The following ADAM30 variants were observed in gnomAD, a reference collection of about 807,000 sequenced individuals.
The protein encoded by ADAM30 is disintegrin and metalloproteinase domain-containing protein 30.
For missense variants in ADAM30, 960 were observed against 959.4 expected (o/e 1.00, Z -0.01); for synonymous variants, 382 against 340.9 (o/e 1.12, Z -1.33).
rs587640612 is a variant in ADAM30 at position 119,895,032 on chromosome 1, T to G, written c.1305A>C (p.Pro435=). ...AAAGTCCAATGCTACAGTTGGCACCTGGTTGCAACTTACAATTTGATTGGC... is the reference window on the plus strand; with the variant it reads ...AAAGTCCAATGCTACAGTTGGCACCGGGTTGCAACTTACAATTTGATTGGC... The part of the protein sequence containing the change: ...RCCQSNCKLQ[P]GANCSIGLCC... The change falls in exon 1 of 1, where the codon CCA becomes CCC. Residue 435 remains proline (P), a synonymous_variant. Coordinates refer to ENST00000369400, the MANE Select transcript of ADAM30 (RefSeq NM_021794.4). 2 of 1,614,224 alleles carry G rather than the reference T, an allele frequency of 1.2e-6. 1 individual carries two copies. The highest frequency in any genetic ancestry group is 2.2e-5 in the South Asian group (2 of 91,086).
Position 119,896,267 on chromosome 1 carries a change from T to C in ADAM30, c.70A>G (p.Lys24Glu). The C allele has an allele frequency of 6.2e-7, 1 of 1,613,036 alleles. No individual in the cohort carries two copies. Among genetic ancestry groups the C allele is most frequent in the Non-Finnish European group, 8.5e-7 (1 of 1,179,502 alleles). ...AAAATTACATCTTCGCCAAGAGACT[T>C]AAGGAGCATTGTCGGAACTAGTAGA... ...LLLLVPTMLL[K>E]SLGEDVIFHP... The change falls in exon 1 of 1, where the codon AAG becomes GAG. Residue 24 changes from lysine (K) to glutamate (E), a missense_variant. Lys to Glu is a moderately conservative substitution (Grantham distance 56, BLOSUM62 1). Coordinates refer to ENST00000369400, the MANE Select transcript of ADAM30 (RefSeq NM_021794.4).
rs756044316 is a variant in ADAM30, at chr1:119,895,413, C to T, written c.924G>A (p.Ser308=). 29 of 1,613,712 alleles carry T rather than the reference C, an allele frequency of 1.8e-5. No individual in the cohort carries two copies. Among genetic ancestry groups the T allele is most frequent in the Non-Finnish European group, 2.5e-5 (29 of 1,179,936 alleles). ...ATTCTAGAGAACACACTTTTCCAAA[C>T]GACCATGCAAGAGCATCATTATATT... ...QRKYNDALAW[S]FGKVCSLEYA... Residue 308 remains serine (S), a synonymous_variant, in exon 1 of 1, where the codon TCG becomes TCA. Coordinates refer to ENST00000369400, the MANE Select transcript of ADAM30 (RefSeq NM_021794.4).
rs746060584 is a variant in ADAM30 at position 119,894,371 on chromosome 1, A to G, written c.1966T>C (p.Trp656Arg). Residue 656 changes from tryptophan (W) to arginine (R), a missense_variant, in exon 1 of 1, where the codon TGG becomes CGG. By Grantham distance (101) the Trp-to-Arg change is moderately radical. Transcript: ENST00000369400. ...NRKNCHCMYG[W>R]APPFCEEVGY... ...ACTTCCTCACAGAATGGAGGTGCCC[A>G]CCCATACATGCAGTGGCAGTTTTTT... The G allele has an allele frequency of 3.1e-6, 5 of 1,614,146 alleles. No homozygotes were observed. Among genetic ancestry groups the G allele is most frequent in the Non-Finnish European group, 4.2e-6 (5 of 1,180,006 alleles).
rs1476960635 is a variant in ADAM30, at chr1:119,895,511, A to G, written c.826T>C (p.Phe276Leu). ...YPELAEVLGR[F>L]VIYKKSVLNA... is the part of the protein sequence containing the mutation. ...AATACACTTTTTTTATATATTACAAATCTGCCTAAAACTTCAGCTAACTCT... is the reference window on the plus strand; with the variant it reads ...AATACACTTTTTTTATATATTACAAGTCTGCCTAAAACTTCAGCTAACTCT... Residue 276 changes from phenylalanine (F) to leucine (L), a missense_variant, in exon 1 of 1, where the codon TTT (phenylalanine) becomes CTT (leucine). Coordinates refer to ENST00000369400, the MANE Select transcript of ADAM30 (RefSeq NM_021794.4). 3 of 1,613,894 alleles carry G rather than the reference A, an allele frequency of 1.9e-6. No homozygotes were observed. Among genetic ancestry groups the G allele is most frequent in the Non-Finnish European group, 1.7e-6 (2 of 1,180,034 alleles).
chr1:119,895,207 G>GATATGTTAAAAAAAAA lies in ADAM30; in HGVS notation c.1129_1130insTTTTTTTTTAACATAT (p.Ser377PhefsTer4), dbSNP rs1478388883. ...TCCCGAAGAGATATGTTTAAAAAAA[G>GATATGTTAAAAAAAAA]AGATATAACTGCAATTGCTAAACCC... On this transcript the variant is annotated stop_gained and frameshift_variant, in exon 1 of 1. Coordinates refer to ENST00000369400, the MANE Select transcript of ADAM30 (RefSeq NM_021794.4). LOFTEE classifies it low-confidence loss of function (END_TRUNC). 1 of 1,614,208 alleles carries GATATGTTAAAAAAAAA rather than the reference G, an allele frequency of 6.2e-7. No homozygotes were observed. The highest frequency in any genetic ancestry group is 1.1e-5 in the South Asian group (1 of 91,084).
In ADAM30 at chr1:119,895,990, A is replaced by G. The variant is rs587666591; in HGVS notation, c.347T>C (p.Val116Ala). 6.2e-7 allele frequency: 1 copy of G among 1,614,164 alleles called. No individual in the cohort carries two copies. The highest frequency in any genetic ancestry group is 1.1e-5 in the South Asian group (1 of 91,084). The change falls in exon 1 of 1, where the codon GTG becomes GCG. Residue 116 changes from valine to alanine, a missense_variant. Physicochemically the swap from Val to Ala is moderately conservative, Grantham distance 64 (BLOSUM62 0). Coordinates refer to ENST00000369400, the MANE Select transcript of ADAM30 (RefSeq NM_021794.4). The part of the protein sequence containing the change: ...IPKDCNYMGS[V>A]KESLDSKATI... ...AGCTTTAGAGTCCAGAGACTCTTTC[A>G]CGGAGCCCATGTAGTTGCAGTCCTT...
rs1365842392 is a variant in ADAM30 at position 119,893,973 on chromosome 1, T to C, written c.2364A>G (p.Gln788=). The C allele has an allele frequency of 3.7e-6, 6 of 1,606,476 alleles. No homozygotes were observed. The highest frequency in any genetic ancestry group is 5.1e-6 in the Non-Finnish European group (6 of 1,178,200). ...KRPKAKSVKK[Q]KK ...AGTATGGATTGCCCGGTTACTTTTT[T>C]TGTTTCTTGACACTCTTTGCTTTGG... Residue 788 remains glutamine, a synonymous_variant, in exon 1 of 1, where the codon CAA becomes CAG. Transcript: ENST00000369400.
Position 119,895,246 on chromosome 1 carries a change from C to G in ADAM30, c.1091G>C (p.Gly364Ala). Reference protein sequence around the residue: ...QCRGRLNCIMGSGRTGFSNCS... With the variant: ...QCRGRLNCIMASGRTGFSNCS... The stretch of plus-strand genomic sequence containing the variant: ...ATTGCTAAACCCAGTGCGTCCTGAG[C>G]CCATGATGCAATTAAGCCTACCCCT... The change falls in exon 1 of 1, where the codon GGC (glycine) becomes GCC (alanine). Residue 364 changes from glycine to alanine, a missense_variant. Transcript: ENST00000369400. 6.2e-7 allele frequency: 1 copy of G among 1,614,152 alleles called. No homozygotes were observed. The highest frequency in any genetic ancestry group is 8.5e-7 in the Non-Finnish European group (1 of 1,180,028).
Position 119,895,570 on chromosome 1 carries a change from C to A in ADAM30, c.767G>T (p.Trp256Leu), listed in dbSNP as rs1198885004. 6.2e-7 allele frequency: 1 copy of A among 1,613,782 alleles called. No individual in the cohort carries two copies. The change falls in exon 1 of 1, where the codon TGG becomes TTG. Residue 256 changes from tryptophan (W) to leucine (L), a missense_variant. Coordinates refer to ENST00000369400, the MANE Select transcript of ADAM30 (RefSeq NM_021794.4). ...MRIHLKALEV[W>L]TDFNKIRVGY... ...AACGCGTATTTTGTTAAAATCTGTC[C>A]ATACTTCAAGAGCCTTTAAGTGTAT...
Position 119,895,692 on chromosome 1 carries a change from C to A in ADAM30, c.645G>T (p.Arg215Ser). 1 of 1,614,102 alleles carries A rather than the reference C, an allele frequency of 6.2e-7. No homozygotes were observed. The highest frequency in any genetic ancestry group is 8.5e-7 in the Non-Finnish European group (1 of 1,180,028). Residue 215 changes from arginine (R) to serine (S), a missense_variant, in exon 1 of 1, where the codon AGG becomes AGT. Physicochemically the swap from Arg to Ser is moderately radical, Grantham distance 110. Transcript: ENST00000369400. ...AAAGATTGTTGTTCACAAACCTATACCTACTTTGATCAAAGAGTAGGATCA... is the reference window on the plus strand; with the variant it reads ...AAAGATTGTTGTTCACAAACCTATAACTACTTTGATCAAAGAGTAGGATCA... ...LELILLFDQSRYRFVNNNLSQ... is the reference protein window; with the variant it reads ...LELILLFDQSSYRFVNNNLSQ...
rs1444870983 is a variant in ADAM30, at chr1:119,896,484, A to T, written c.-148T>A. 95 of 1,318,434 alleles carry T rather than the reference A, an allele frequency of 7.2e-5. No homozygotes were observed. Among genetic ancestry groups the T allele is most frequent in the East Asian group, 1.1e-4 (4 of 38,086 alleles). 81.7% of individuals were successfully genotyped at this position (1,318,434 alleles called of 1,614,324 possible). ...TTTCCGGGGGAGCCCGTAGCCTCCC[A>T]GGGCTCGGTCTAGCTGGCGTCCGCA... On this transcript the variant is annotated 5_prime_UTR_variant, in exon 1 of 1. Transcript: ENST00000369400.
In ADAM30 at chr1:119,896,280, C is replaced by G; in HGVS notation, c.57G>C (p.Pro19=). Reference sequence around the variant, plus strand: ...CGCCAAGAGACTTAAGGAGCATTGTCGGAACTAGTAGAAGGAGCAAACGGC... The same window carrying G: ...CGCCAAGAGACTTAAGGAGCATTGTGGGAACTAGTAGAAGGAGCAAACGGC... The part of the protein sequence containing the change: ...SQCRLLLLLV[P]TMLLKSLGED... Residue 19 remains proline (P), a synonymous_variant, in exon 1 of 1, where the codon CCG becomes CCC. Transcript: ENST00000369400. 6.2e-7 allele frequency: 1 copy of G among 1,610,956 alleles called. No homozygotes were observed. Among genetic ancestry groups the G allele is most frequent in the Non-Finnish European group, 8.5e-7 (1 of 1,178,382 alleles).
Position 119,896,192 on chromosome 1 carries a change from G to C in ADAM30, c.145C>G (p.Leu49Val), listed in dbSNP as rs1648585696. Residue 49 changes from leucine to valine, a missense_variant, in exon 1 of 1, where the codon CTG (leucine) becomes GTG (valine). By Grantham distance (32) the Leu-to-Val change is conservative. Coordinates refer to ENST00000369400, the MANE Select transcript of ADAM30 (RefSeq NM_021794.4). ...DSYEVTIPEKLSFRGEVQGVV... is the reference protein window; with the variant it reads ...DSYEVTIPEKVSFRGEVQGVV... ...CCCTGCACCTCTCCCCGGAAGCTCA[G>C]CTTCTCAGGAATGGTGACTTCATAC... 3 of 1,614,054 alleles carry C rather than the reference G, an allele frequency of 1.9e-6. No homozygotes were observed. In the South Asian group the frequency reaches 3.3e-5, roughly 18 times the overall value.
chr1:119,894,443 CA>C lies in ADAM30; in HGVS notation c.1893del (p.Phe631LeufsTer62). On this transcript the variant is annotated frameshift_variant, in exon 1 of 1. Coordinates refer to ENST00000369400, the MANE Select transcript of ADAM30 (RefSeq NM_021794.4). LOFTEE classifies it low-confidence loss of function (END_TRUNC). ...KNCVNSSVLQ[F>X]DCLPEKCNTR... ...GTATTGCATTTCTCAGGCAAACAGT[CA>C]AACTGCAGGACTGAGCTATTGACGC... 2 of 1,614,154 alleles carry C rather than the reference CA, an allele frequency of 1.2e-6. No homozygotes were observed. The highest frequency in any genetic ancestry group is 1.7e-6 in the Non-Finnish European group (2 of 1,180,036).
In ADAM30 at chr1:119,896,408, G is replaced by A. The variant is rs893756618; in HGVS notation, c.-72C>T. The stretch of plus-strand genomic sequence containing the variant: ...TCTGGCCTCGCGAGTCAGATTTCTG[G>A]GGGCCGCCGCTAGAGGCGCCTGAGC... On this transcript the variant is annotated 5_prime_UTR_variant, in exon 1 of 1. Transcript: ENST00000369400. 3 of 1,453,014 alleles carry A rather than the reference G, an allele frequency of 2.1e-6. No homozygotes were observed. Among genetic ancestry groups the A allele is most frequent in the African/African-American group, 1.4e-5 (1 of 70,174 alleles). The allele number at this position is 1,453,014 out of a possible 1,614,324, so 90.0% of individuals were successfully genotyped here. A position where few individuals can be genotyped will look rare whatever the true frequency, so the allele number is the denominator to read the frequency against.
In ADAM30 at chr1:119,894,197, T is replaced by C; in HGVS notation, c.2140A>G (p.Asn714Asp). ...TTTTCCTGTTTGGGTTTTAAGTGGT[T>C]TCCTATCACTTGCCGGAAAAACACA... ...VFVFFRQVIG[N>D]HLKPKQEKMP... Residue 714 changes from asparagine (N) to aspartate (D), a missense_variant, in exon 1 of 1, where the codon AAC (asparagine) becomes GAC (aspartate). Asn to Asp is a conservative substitution (Grantham distance 23). Transcript: ENST00000369400. 3.1e-6 allele frequency: 5 copies of C among 1,613,544 alleles called. No individual in the cohort carries two copies. The highest frequency in any genetic ancestry group is 4.2e-6 in the Non-Finnish European group (5 of 1,179,930).
At position 119,893,958 on chromosome 1, in the gene ADAM30, G is replaced by T. The variant is rs752027263; in HGVS notation, c.*6C>A. The T allele has an allele frequency of 1.2e-6, 2 of 1,605,096 alleles. No individual in the cohort carries two copies. The highest frequency in any genetic ancestry group is 8.5e-7 in the Non-Finnish European group (1 of 1,177,486). ...CTGTGTTACTGAATGAGTATGGATT[G>T]CCCGGTTACTTTTTTTGTTTCTTGA... On this transcript the variant is annotated 3_prime_UTR_variant, in exon 1 of 1. Transcript: ENST00000369400.
In ADAM30 at chr1:119,895,771, T is replaced by C. The variant is rs966686307; in HGVS notation, c.566A>G (p.Lys189Arg). 45 of 1,614,028 alleles carry C rather than the reference T, an allele frequency of 2.8e-5. No homozygotes were observed. Among genetic ancestry groups the C allele is most frequent in the Non-Finnish European group, 3.8e-5 (45 of 1,180,044 alleles). Residue 189 changes from lysine to arginine, a missense_variant, in exon 1 of 1, where the codon AAG becomes AGG. Lys to Arg is a conservative substitution (Grantham distance 26). Coordinates refer to ENST00000369400, the MANE Select transcript of ADAM30 (RefSeq NM_021794.4). ...TCCAGGAAAGTCCCTTAGCCTCGCC[T>C]TATTCTCATAAGGGGCCATCTGCCA... ...IEWQMAPYENKARLRDFPGSY... is the reference protein window; with the variant it reads ...IEWQMAPYENRARLRDFPGSY...
chr1:119,895,334 A>G lies in ADAM30; in HGVS notation c.1003T>C (p.Trp335Arg), dbSNP rs746244883. 3.7e-6 allele frequency: 6 copies of G among 1,614,206 alleles called. No individual in the cohort carries two copies. The highest frequency in any genetic ancestry group is 3.3e-5 in the South Asian group (3 of 91,078). ...LDTNILAPAT[W>R]SAHELGHAVG... ...GCATGACCCAGCTCATGAGCAGACC[A>G]GGTAGCAGGGGCAAGGATATTTGTA... The change falls in exon 1 of 1, where the codon TGG (tryptophan) becomes CGG (arginine). Residue 335 changes from tryptophan to arginine, a missense_variant. By Grantham distance (101) the Trp-to-Arg change is moderately radical. Transcript: ENST00000369400.
Sources: gnomAD v4.1 joint callset for allele counts on GRCh38, gnomAD v4.1.1 for gene constraint, MANE v1.5 for transcripts, NCBI Gene and HGNC (gene_info 2026-07-23, HGNC 2026-07-21) for gene names.